The following STXBP6 variants were observed in gnomAD, a reference collection of about 807,000 sequenced individuals.
STXBP6 encodes the protein syntaxin binding protein 6.
Under a neutral mutation model 26.9 loss-of-function variants are expected in STXBP6, and 21 were observed. The observed-to-expected ratio is 0.78, with a 90% confidence interval of 0.55 to 1.12. STXBP6 has a LOEUF of 1.12. Among genes scored for constraint, STXBP6 ranks in the 50% most tolerant of loss-of-function variants. The pLI is 0.00. For missense variants in STXBP6, 232 were observed against 257.9 expected (o/e 0.90, Z 0.69); for synonymous variants, 97 against 92.6 (o/e 1.05, Z -0.27).
chr14:24,829,743 C>T (rs1352961292), intron 4 of STXBP6, among the ~76,000 whole-genome samples: 2 of 151,696 alleles, frequency 1.3e-5, no homozygotes, highest in African/African-American at 4.8e-5. Context: ...GCTGGGAACA[C>T]CGTTGTAGGC....
At chr14:24,960,830 T>C (rs1318282869) in intron 2 of STXBP6, among the ~76,000 whole-genome samples, 2 of 152,242 alleles carry the variant, frequency 1.3e-5, no homozygotes, top group African/African-American at 2.4e-5. Context: ...AAAAGGAACG[T>C]CAGAGAGACA....
chr14:25,014,162 T>C (rs1489161762), intron 1 of STXBP6, among the ~76,000 whole-genome samples: 1 of 152,216 alleles, frequency 6.6e-6, no homozygotes, highest in Non-Finnish European at 1.5e-5. Flanking sequence ...TTATATTCTC[T>C]TGTACTCCTG....
intron 1 of STXBP6, among the ~76,000 whole-genome samples, chr14:25,026,543 A>C (rs1419330702): frequency 1.3e-5 from 2 of 152,260 alleles, no homozygotes; most frequent in African/African-American, 4.8e-5. Context: ...CATGAAGAAC[A>C]TAAATAGACT....
intron 2 of STXBP6, among the ~76,000 whole-genome samples, chr14:24,877,318 C>A (rs1044287177): frequency 6.6e-6 from 1 of 152,128 alleles, no homozygotes; most frequent in Non-Finnish European, 1.5e-5. Context: ...TTTAAACATG[C>A]AATACATTTT....
intron 1 of STXBP6, among the ~76,000 whole-genome samples, chr14:25,032,543 C>A (rs2075477792): frequency 6.6e-6 from 1 of 152,200 alleles, no homozygotes; most frequent in Non-Finnish European, 1.5e-5. Context: ...AGGCATTTAC[C>A]TAAGCAGGAG....
chr14:24,908,717 C>T (rs1448975380), intron 2 of STXBP6, among the ~76,000 whole-genome samples: 1 of 152,182 alleles, frequency 6.6e-6, no homozygotes, highest in Non-Finnish European at 1.5e-5. Flanking sequence ...TCCCAATTTC[C>T]TCATAAGGCT....
At chr14:24,824,624 T>C (rs1012268173) in intron 4 of STXBP6, among the ~76,000 whole-genome samples, 4 of 152,248 alleles carry the variant, frequency 2.6e-5, no homozygotes, top group Non-Finnish European at 5.9e-5. Flanking sequence ...TATCCTCTTT[T>C]AAGATGGAGA....
At chr14:24,840,320 T>G (rs536586001) in intron 4 of STXBP6, among the ~76,000 whole-genome samples, 2 of 152,324 alleles carry the variant, frequency 1.3e-5, no homozygotes, top group Admixed American at 6.5e-5. Context: ...GCTGTGTATG[T>G]GACAGAGGCC....
intron 1 of STXBP6, among the ~76,000 whole-genome samples, chr14:25,013,177 T>C (rs561630491): frequency 1.8e-4 from 28 of 152,324 alleles, no homozygotes; most frequent in South Asian, 1.4e-3. Flanking sequence ...CACCAATTTC[T>C]CTTTTTCTCT....
chr14:25,038,745 T>C (rs919603023), intron 1 of STXBP6, among the ~76,000 whole-genome samples: 3 of 151,986 alleles, frequency 2.0e-5, no homozygotes, highest in Non-Finnish European at 2.9e-5. Context: ...AAATAATCTG[T>C]ACAACACAGT....
intron 2 of STXBP6, among the ~76,000 whole-genome samples, chr14:24,971,259 G>C (rs987574216): frequency 6.6e-6 from 1 of 152,142 alleles, no homozygotes; most frequent in Non-Finnish European, 1.5e-5. Flanking sequence ...AAGTTAGTAA[G>C]AGACATTGGA....
chr14:24,839,137 T>G (rs924399792), intron 4 of STXBP6, among the ~76,000 whole-genome samples: 2 of 152,150 alleles, frequency 1.3e-5, no homozygotes, highest in African/African-American at 2.4e-5. Flanking sequence ...TTGCATTGTC[T>G]GTCCCCGCCT....
At chr14:24,842,950 T>C (rs76268340) in intron 4 of STXBP6, among the ~76,000 whole-genome samples, 5,809 of 152,244 alleles carry the variant, frequency 0.038, 185 homozygotes, top group East Asian at 0.16. Flanking sequence ...GGAAGTATAA[T>C]AGGCCCAAAA....
chr14:24,879,789 CT>C (rs1047695047), intron 2 of STXBP6, among the ~76,000 whole-genome samples: 2 of 152,088 alleles, frequency 1.3e-5, no homozygotes, highest in Non-Finnish European at 2.9e-5. Context: ...GAGTTGCCCC[CT>C]GTGAACAATA....
At chr14:25,004,985 G>A (rs891600841) in intron 1 of STXBP6, among the ~76,000 whole-genome samples, 12 of 152,188 alleles carry the variant, frequency 7.9e-5, no homozygotes, top group Non-Finnish European at 1.5e-4. Flanking sequence ...CTCTGAAACT[G>A]TTGTCTTTAC....
intron 2 of STXBP6, among the ~76,000 whole-genome samples, chr14:24,961,585 C>T (rs895647669): frequency 1.3e-5 from 2 of 151,876 alleles, no homozygotes; most frequent in East Asian, 3.9e-4. Flanking sequence ...TAAGTGAGAG[C>T]TAAACAATGG....
intron 2 of STXBP6, among the ~76,000 whole-genome samples, chr14:24,887,937 T>C (rs1381321): frequency 1.8e-4 from 27 of 152,250 alleles, no homozygotes; most frequent in African/African-American, 5.8e-4. Flanking sequence ...ATTTTTGCTA[T>C]TCTCCACTCT....
intron 1 of STXBP6, among the ~76,000 whole-genome samples, chr14:25,029,694 C>A (rs145567898): frequency 6.6e-6 from 1 of 152,048 alleles, no homozygotes; most frequent in Non-Finnish European, 1.5e-5. Context: ...CAAGTGCTGG[C>A]GGGAGTATAA....
At chr14:25,004,234 G>A (rs1309490102) in intron 1 of STXBP6, among the ~76,000 whole-genome samples, 1 of 152,206 alleles carries the variant, frequency 6.6e-6, no homozygotes. Flanking sequence ...TAAAACGGCT[G>A]AGTAGGATTT....
Sources: gnomAD v4.1 joint callset for allele counts (sites outside exome capture counted in the v4.1 genomes callset) on GRCh38, gnomAD v4.1.1 for gene constraint, MANE v1.5 for transcripts, NCBI Gene and HGNC (gene_info 2026-07-23, HGNC 2026-07-21) for gene names.